CBL: variants seen among roughly 807,000 people sequenced by gnomAD.
The protein encoded by CBL is Cbl proto-oncogene, also known as E3 ubiquitin-protein ligase CBL.
In CBL, 45 loss-of-function variants were observed where a neutral mutation model predicts 96.9. The ratio of observed to expected loss-of-function variants is 0.46; its 90% confidence interval spans 0.37 to 0.60. The LOEUF (loss-of-function observed/expected upper bound fraction) is 0.60, where lower values mean the gene tolerates loss of function less well. CBL is among the 20% of genes least tolerant of loss of function. The pLI is 0.00. For synonymous variants in CBL, 420 were observed against 426.8 expected (o/e 0.98, Z 0.20); for missense variants, 1,024 against 1,143.5 (o/e 0.90, Z 1.51).
chr11:119,275,517 C>G (rs1262981390), intron 5 of CBL, among the ~76,000 whole-genome samples: 2 of 152,114 alleles, frequency 1.3e-5, no homozygotes, highest in African/African-American at 4.8e-5. Flanking sequence ...AAGTTACTCT[C>G]TTTTTAAAAA....
intron 1 of CBL, among the ~76,000 whole-genome samples, chr11:119,212,726 T>A (rs1276212674): frequency 1.3e-5 from 2 of 151,526 alleles, no homozygotes; most frequent in Admixed American, 6.6e-5. Flanking sequence ...AGAGACAGGG[T>A]CAGGCTGGGC....
chr11:119,275,869 G>C, intron 5 of CBL, 128 bp from the exon 6 acceptor site: 1 of 958,676 alleles, frequency 1.0e-6, no homozygotes, highest in African/African-American at 1.6e-5. Flanking sequence ...CTTAAAAAAA[G>C]AAAGAAAGAA....
At chr11:119,295,451 G>A (rs1298122327) in intron 12 of CBL, among the ~76,000 whole-genome samples, 1 of 152,120 alleles carries the variant, frequency 6.6e-6, no homozygotes, top group African/African-American at 2.4e-5. Flanking sequence ...GATGGGTGGG[G>A]TGACTCAGGC....
intron 1 of CBL, among the ~76,000 whole-genome samples, chr11:119,214,765 A>G (rs1053220213): frequency 1.3e-5 from 2 of 151,960 alleles, no homozygotes; most frequent in African/African-American, 4.8e-5. Context: ...TTTAGATTGT[A>G]GTTCACCTTT....
chr11:119,273,032 CA>C (rs1198929580), intron 3 of CBL, among the ~76,000 whole-genome samples: 5 of 150,048 alleles, frequency 3.3e-5, no homozygotes, highest in Non-Finnish European at 4.4e-5. Context: ...GTCTGGTGTG[CA>C]GTGGTACAAT....
chr11:119,206,373 G>A lies in CBL; in HGVS notation c.-45G>A. On this transcript the variant is annotated 5_prime_UTR_variant, in exon 1 of 16. Coordinates refer to ENST00000264033, the MANE Select transcript of CBL (RefSeq NM_005188.4). ...CTGCTTCTCTCCCTCGCTCGCAGTC[G>A]AGCCGAGCCGGCGGACCCGCCTGGG... is the stretch of plus-strand genomic sequence containing the variant. 2.1e-6 allele frequency: 3 copies of A among 1,423,290 alleles called. No individual in the cohort carries two copies. Among genetic ancestry groups the A allele is most frequent in the Non-Finnish European group, 2.8e-6 (3 of 1,078,314 alleles). The allele number at this position is 1,423,290 out of a possible 1,614,324, so 88.2% of individuals were successfully genotyped here. A position where few individuals can be genotyped will look rare whatever the true frequency, so the allele number is the denominator to read the frequency against.
chr11:119,236,082 TA>T (rs1949543768), intron 2 of CBL, among the ~76,000 whole-genome samples: 1 of 152,182 alleles, frequency 6.6e-6, no homozygotes. Flanking sequence ...TCACATACCA[TA>T]AAATTTGCCC....
chr11:119,257,571 TTTTG>T (rs1397773595), intron 2 of CBL, among the ~76,000 whole-genome samples: 1 of 152,114 alleles, frequency 6.6e-6, no homozygotes, highest in African/African-American at 2.4e-5. Flanking sequence ...TTCCATTTAT[TTTTG>T]TTTTTGTTGC....
chr11:119,260,368 C>T (rs1949745717), intron 2 of CBL, among the ~76,000 whole-genome samples: 1 of 151,826 alleles, frequency 6.6e-6, no homozygotes, highest in Admixed American at 6.6e-5. Flanking sequence ...CTCAGCCTCC[C>T]GAGTAGCTGC....
intron 11 of CBL, among the ~76,000 whole-genome samples, chr11:119,286,464 A>T (rs757197132): frequency 3.4e-4 from 52 of 152,238 alleles, no homozygotes; most frequent in Non-Finnish European, 6.0e-4. Flanking sequence ...TTATAGAAGG[A>T]GTGGCATCTG....
Position 119,206,440 on chromosome 11 carries a change from G to C in CBL, c.23G>C (p.Ser8Thr), listed in dbSNP as rs930860175. 2 of 1,577,198 alleles carry C rather than the reference G, an allele frequency of 1.3e-6. No homozygotes were observed. The highest frequency in any genetic ancestry group is 2.3e-5 in the South Asian group (2 of 87,066). ...GCCATGGCCGGCAACGTGAAGAAGA[G>C]CTCTGGGGCCGGGGGCGGCAGCGGC... MAGNVKK[S>T]SGAGGGSGSG... Residue 8 changes from serine (S) to threonine (T), a missense_variant, in exon 1 of 16, where the codon AGC becomes ACC. By Grantham distance (58) the Ser-to-Thr change is moderately conservative. This residue lies in a region of CBL where 114 missense variants were observed against 117.4 expected (regional missense o/e 0.97). Coordinates refer to ENST00000264033, the MANE Select transcript of CBL (RefSeq NM_005188.4).
intron 1 of CBL, among the ~76,000 whole-genome samples, chr11:119,223,174 C>A (rs1388455325): frequency 2.0e-5 from 3 of 147,806 alleles, no homozygotes; most frequent in Non-Finnish European, 4.5e-5. Context: ...CAAACCACCC[C>A]ACACCCTTCC....
At chr11:119,238,502 G>A (rs1949561957) in intron 2 of CBL, among the ~76,000 whole-genome samples, 1 of 152,008 alleles carries the variant, frequency 6.6e-6, no homozygotes, top group East Asian at 1.9e-4. Context: ...GAGCCACTGT[G>A]CCCGACCCCT....
chr11:119,208,871 A>G (rs1949295747), intron 1 of CBL, among the ~76,000 whole-genome samples: 1 of 152,184 alleles, frequency 6.6e-6, no homozygotes, highest in African/African-American at 2.4e-5. Context: ...AGAATGTTTA[A>G]TTATTTGGGA....
chr11:119,263,790 G>A (rs1949773427), intron 2 of CBL, among the ~76,000 whole-genome samples: 1 of 152,206 alleles, frequency 6.6e-6, no homozygotes, highest in Non-Finnish European at 1.5e-5. Context: ...TGTGAGCAGA[G>A]GATGCTGCTA....
In CBL at chr11:119,292,752, C is replaced by T. The variant is rs112089397; in HGVS notation, c.2037-4166C>T. On this transcript the variant is annotated intron_variant, in intron 12 of 15. Coordinates refer to ENST00000264033, the MANE Select transcript of CBL (RefSeq NM_005188.4). ...TTTGATTTTTAAATTTATTCAGCCT[C>T]CCTAGTAACTGAGACTATAGATGTG... is the stretch of plus-strand genomic sequence containing the variant. Among the ~76,000 whole-genome samples the T allele has an allele frequency of 4.8e-3, 726 of 152,214 alleles. 6 individuals carry two copies. Among genetic ancestry groups the T allele is most frequent in the Non-Finnish European group, 8.1e-3 (553 of 67,984 alleles).
At chr11:119,296,786 A>T in intron 12 of CBL, 132 bp from the exon 13 acceptor site, 5 of 677,082 alleles carry the variant, frequency 7.4e-6, no homozygotes, top group Non-Finnish European at 1.3e-5. Context: ...CAGCAGAAAT[A>T]ATAGTTCCCT....
intron 2 of CBL, among the ~76,000 whole-genome samples, chr11:119,258,002 G>A (rs1006757917): frequency 1.3e-4 from 20 of 152,118 alleles, no homozygotes; most frequent in Non-Finnish European, 2.2e-4. Flanking sequence ...TGAGGCAGGC[G>A]GGTCACTTGA....
At chr11:119,281,772 C>T (rs1565873228) in intron 9 of CBL, among the ~76,000 whole-genome samples, 1 of 152,090 alleles carries the variant, frequency 6.6e-6, no homozygotes, top group East Asian at 1.9e-4. Flanking sequence ...GCTGGGATTA[C>T]AGGTGTGAGC....
Sources: allele counts gnomAD v4.1 joint callset (sites outside exome capture counted in the v4.1 genomes callset), GRCh38; gene constraint gnomAD v4.1.1; regional missense constraint gnomAD v4.1.1; transcripts MANE v1.5; gene names NCBI Gene and HGNC (gene_info 2026-07-23, HGNC 2026-07-21).